Variants in ZNF106 observed in about 807,000 individuals in gnomAD.
The protein encoded by ZNF106 is zinc finger protein 106, also known as SH3-domain binding protein 3.
Under a neutral mutation model 195.1 loss-of-function variants are expected in ZNF106, and 67 were observed. That is an observed-to-expected ratio of 0.34 (90% CI 0.28 to 0.42). The LOEUF (loss-of-function observed/expected upper bound fraction) is 0.42, where lower values mean the gene tolerates loss of function less well. Ranked by LOEUF, ZNF106 falls within the 10% of genes least tolerant of loss-of-function variation. The pLI is 1.00. For synonymous variants in ZNF106, 784 were observed against 818.6 expected, an observed-to-expected ratio of 0.96 and a Z score of 0.72; for missense variants, 2,118 against 2,304.5, an observed-to-expected ratio of 0.92 and a Z score of 1.66.
intron 20 of ZNF106, among the ~76,000 whole-genome samples, chr15:42,420,049 A>C (rs973695559): frequency 6.6e-6 from 1 of 151,976 alleles, no homozygotes; most frequent in Non-Finnish European, 1.5e-5. Flanking sequence ...TATCTTCCCC[A>C]TTTCTCTCTA....
chr15:42,458,457 C>T (rs2056301959), intron 3 of ZNF106, among the ~76,000 whole-genome samples: 1 of 150,674 alleles, frequency 6.6e-6, no homozygotes, highest in Non-Finnish European at 1.5e-5. Context: ...CGCCTGTAAT[C>T]CCAGCACTTG....
intron 3 of ZNF106, 87 bp downstream of exon 3, chr15:42,465,966 G>A (rs1053250776): frequency 1.0e-5 from 11 of 1,064,406 alleles, no homozygotes; most frequent in South Asian, 6.2e-5. Flanking sequence ...TGCTTTTGAC[G>A]GATTACTGCA....
chr15:42,441,963 T>C, intron 10 of ZNF106, 110 bp downstream of exon 10: 1 of 767,028 alleles, frequency 1.3e-6, no homozygotes, highest in Non-Finnish European at 2.1e-6. Flanking sequence ...ACAAATTAGT[T>C]GTACTTGCTC....
At chr15:42,421,231 AAAC>A in intron 19 of ZNF106, 99 bp from the exon 20 acceptor site, 2 of 1,070,168 alleles carry the variant, frequency 1.9e-6, no homozygotes, top group South Asian at 2.5e-5. Context: ...AGCTACAAGA[AAAC>A]AAACACCTAA....
chr15:42,438,707 AAC>A (rs1198559262), intron 11 of ZNF106, 40 bp from the exon 12 acceptor site: 1 of 1,595,056 alleles, frequency 6.3e-7, no homozygotes, highest in Non-Finnish European at 8.6e-7. Context: ...CATCTGTGTG[AAC>A]AGGGCAGGTA....
chr15:42,417,371 A>G lies in ZNF106; in HGVS notation c.5665-11T>C. 5 of 1,613,956 alleles carry G rather than the reference A, an allele frequency of 3.1e-6. No individual in the cohort carries two copies. The highest frequency in any genetic ancestry group is 1.3e-5 in the African/African-American group (1 of 75,034). On this transcript the variant is annotated splice_polypyrimidine_tract_variant and intron_variant, in intron 21 of 21. Transcript: ENST00000564754. ...ATGTCCTGCAGCATCCTAGGAATGAAGGGAAAAGGGCCCATGAGAGAGAAG... is the reference window on the plus strand; with the variant it reads ...ATGTCCTGCAGCATCCTAGGAATGAGGGGAAAAGGGCCCATGAGAGAGAAG...
At chr15:42,487,759 T>C (rs561525303) in intron 1 of ZNF106, among the ~76,000 whole-genome samples, 1 of 152,280 alleles carries the variant, frequency 6.6e-6, no homozygotes, top group Admixed American at 6.5e-5. Flanking sequence ...CTTGCATAAC[T>C]GAAACTTTAT....
chr15:42,450,112 A>G lies in ZNF106; in HGVS notation c.2160T>C (p.Ala720=), dbSNP rs1285783367. 1 of 1,614,218 alleles carries G rather than the reference A, an allele frequency of 6.2e-7. No individual in the cohort carries two copies. The highest frequency in any genetic ancestry group is 1.6e-4 in the Middle Eastern group (1 of 6,062). The change falls in exon 5 of 22, where the codon GCT becomes GCC. Residue 720 remains alanine (A), a synonymous_variant. Transcript: ENST00000564754. ...VSYETEGFES[A]SLDAELQKSD... ...TTTTTTGAAGCTCTGCATCCAAGCT[A>G]GCACTCTCAAAGCCTTCTGTTTCAT...
At chr15:42,464,522 CTTTTTTTTTTT>C (rs928173954) in intron 3 of ZNF106, among the ~76,000 whole-genome samples, 1 of 113,484 alleles carries the variant, frequency 8.8e-6, no homozygotes, top group African/African-American at 3.7e-5. Context: ...ACACATGCTA[CTTTTTTTTTTT>C]TTTTTTTTTT....
chr15:42,425,990 C>T (rs541672679), intron 15 of ZNF106, among the ~76,000 whole-genome samples: 1 of 152,344 alleles, frequency 6.6e-6, no homozygotes, highest in South Asian at 2.1e-4. Context: ...CCTCCCACTT[C>T]CACAGAAGTT....
At chr15:42,481,081 T>C (rs1004959548) in intron 1 of ZNF106, among the ~76,000 whole-genome samples, 6 of 152,156 alleles carry the variant, frequency 3.9e-5, no homozygotes, top group Admixed American at 2.6e-4. Flanking sequence ...TTATGGGATA[T>C]GTTTTATATC....
chr15:42,455,197 T>C (rs1193646929), intron 4 of ZNF106, among the ~76,000 whole-genome samples: 2 of 152,234 alleles, frequency 1.3e-5, no homozygotes, highest in African/African-American at 4.8e-5. Flanking sequence ...GAGTGTCCCG[T>C]ATCTGAAATG....
In ZNF106 at chr15:42,491,085, C is replaced by CGG. The variant is rs1193077539; in HGVS notation, c.-140_-139dup. 1 of 152,168 alleles carries CGG rather than the reference C, an allele frequency of 6.6e-6. No individual in the cohort carries two copies. The highest frequency in any genetic ancestry group is 1.5e-5 in the Non-Finnish European group (1 of 68,038). The allele number at this position is 152,168 out of a possible 1,614,324, so 9.4% of individuals were successfully genotyped here. A position where few individuals can be genotyped will look rare whatever the true frequency, so the allele number is the denominator to read the frequency against. On this transcript the variant is annotated 5_prime_UTR_variant, in exon 1 of 22. Coordinates refer to ENST00000564754, the MANE Select transcript of ZNF106 (RefSeq NM_001366845.3). ...CAGTTTTGGGTCCGGGAGCCTGCTC[C>CGG]GGACCCGCTCCCCGCCGGGCCCCGC...
chr15:42,472,301 C>A lies in ZNF106; in HGVS notation c.-12G>T, dbSNP rs963013789. 6.5e-7 allele frequency: 1 copy of A among 1,535,320 alleles called. No homozygotes were observed. Among genetic ancestry groups the A allele is most frequent in the African/African-American group, 1.4e-5 (1 of 73,140 alleles). Reference sequence around the variant, plus strand: ...CGTTCTCGTACCATAGTGACCAGATCTGAAGCACTCAACGTCACAGCTGCA... The same window carrying A: ...CGTTCTCGTACCATAGTGACCAGATATGAAGCACTCAACGTCACAGCTGCA... On this transcript the variant is annotated 5_prime_UTR_variant, in exon 2 of 22. Coordinates refer to ENST00000564754, the MANE Select transcript of ZNF106 (RefSeq NM_001366845.3).
rs2055799547 is a variant in ZNF106, at chr15:42,447,024, A to T, written c.3136-366T>A. On this transcript the variant is annotated intron_variant, in intron 6 of 21. Coordinates refer to ENST00000564754, the MANE Select transcript of ZNF106 (RefSeq NM_001366845.3). Reference sequence around the variant, plus strand: ...CATAGTTTCTACTTTAAATTTCAGCAAGAAAACCTTTACAACAAAAAGCTT... The same window carrying T: ...CATAGTTTCTACTTTAAATTTCAGCTAGAAAACCTTTACAACAAAAAGCTT... Among the ~76,000 whole-genome samples the T allele has an allele frequency of 2.6e-5, 4 of 152,256 alleles. No individual in the cohort carries two copies. The South Asian group carries it at 8.3e-4, about 32-fold the overall frequency.
At chr15:42,423,900 A>G in intron 17 of ZNF106, 98 bp downstream of exon 17, 1 of 1,142,748 alleles carries the variant, frequency 8.8e-7, no homozygotes, top group Non-Finnish European at 1.3e-6. Flanking sequence ...TTCGGTGGAT[A>G]AAGGGCTTAA....
intron 4 of ZNF106, among the ~76,000 whole-genome samples, chr15:42,454,321 T>C (rs1433734279): frequency 6.6e-6 from 1 of 151,842 alleles, no homozygotes; most frequent in Non-Finnish European, 1.5e-5. Context: ...AGAATTTTTT[T>C]ATAACCATTA....
chr15:42,468,169 G>A (rs955313470), intron 2 of ZNF106, among the ~76,000 whole-genome samples: 2 of 145,152 alleles, frequency 1.4e-5, no homozygotes, highest in Admixed American at 1.4e-4. Context: ...TCTGCCTCCA[G>A]GGTTTCAAGA....
chr15:42,437,816 G>A (rs911957943), intron 12 of ZNF106, among the ~76,000 whole-genome samples: 5 of 149,488 alleles, frequency 3.3e-5, no homozygotes, highest in African/African-American at 1.2e-4. Flanking sequence ...GCTGAGGCAA[G>A]AGAATCACTT....
Sources: gnomAD v4.1 joint callset for allele counts (sites outside exome capture counted in the v4.1 genomes callset) on GRCh38, gnomAD v4.1.1 for gene constraint, MANE v1.5 for transcripts, NCBI Gene and HGNC (gene_info 2026-07-23, HGNC 2026-07-21) for gene names.